SPTBN1: variants seen among roughly 807,000 people sequenced by gnomAD.
SPTBN1 encodes the protein spectrin beta, non-erythrocytic 1.
A neutral mutation model predicts 266.4 loss-of-function variants in SPTBN1; 32 were observed. That is an observed-to-expected ratio of 0.12 (90% confidence interval 0.09 to 0.16). SPTBN1 has a LOEUF of 0.16. SPTBN1 is among the 10% of genes least tolerant of loss of function. The pLI is 1.00. For synonymous variants in SPTBN1, 1,336 were observed against 1,162.2 expected (o/e 1.15, Z -3.04); for missense variants, 2,296 against 3,067.1 (o/e 0.75, Z 5.94).
intron 1 of SPTBN1, among the ~76,000 whole-genome samples, chr2:54,508,726 G>T (rs1351037642): frequency 2.0e-5 from 3 of 152,178 alleles, no homozygotes; most frequent in African/African-American, 7.2e-5. Flanking sequence ...ACTGCCCTGA[G>T]GGATAGAAGT....
chr2:54,560,286 C>T (rs1260883318), intron 2 of SPTBN1, among the ~76,000 whole-genome samples: 1 of 152,034 alleles, frequency 6.6e-6, no homozygotes, highest in Admixed American at 6.5e-5. Flanking sequence ...CCCGGACTCC[C>T]AGCTTCATTG....
intron 2 of SPTBN1, among the ~76,000 whole-genome samples, chr2:54,565,592 G>A (rs75176729): frequency 0.046 from 6,942 of 152,250 alleles, 192 homozygotes; most frequent in Middle Eastern, 0.11. Context: ...AAGGCATCAA[G>A]GTTAGTTTCA....
rs2104103893 is a variant in SPTBN1 at position 54,649,826 on chromosome 2, A to G, written c.5414A>G (p.Tyr1805Cys). The G allele has an allele frequency of 1.9e-6, 3 of 1,614,192 alleles. No individual in the cohort carries two copies. The highest frequency in any genetic ancestry group is 2.5e-6 in the Non-Finnish European group (3 of 1,180,026). The part of the protein sequence containing the change: ...DTRTQILAAS[Y>C]ELHKFYHDAK... ...AGAACACAGATTCTTGCCGCTTCCT[A>G]TGAACTGCACAAGTTTTACCACGAT... The change falls in exon 26 of 36, where the codon TAT (tyrosine) becomes TGT (cysteine). Residue 1805 changes from tyrosine (Y) to cysteine (C), a missense_variant. Physicochemically the swap from Tyr to Cys is radical, Grantham distance 194. This residue lies in a region of SPTBN1 where 644 missense variants were observed against 745.3 expected (regional missense o/e 0.86). Transcript: ENST00000356805. The surrounding 1 kb of genome is among the most constrained non-coding windows in gnomAD (Gnocchi z 6.7).
Position 54,643,033 on chromosome 2 carries a change from C to T in SPTBN1, c.3909C>T (p.Tyr1303=), listed in dbSNP as rs748501800. 15 of 1,613,872 alleles carry T rather than the reference C, an allele frequency of 9.3e-6. No homozygotes were observed. Among genetic ancestry groups the T allele is most frequent in the South Asian group, 2.2e-5 (2 of 91,070 alleles). ...TGCTCACAGCCCAGGACATGTCTTA[C>T]GATGAAGCCAGAAATCTGCACAGTA... is the stretch of plus-strand genomic sequence containing the variant. ...EKMLTAQDMS[Y]DEARNLHSKW... is the part of the protein sequence containing the mutation. The change falls in exon 19 of 36, where the codon TAC becomes TAT. Residue 1303 remains tyrosine (Y), a synonymous_variant. Coordinates refer to ENST00000356805, the MANE Select transcript of SPTBN1 (RefSeq NM_003128.3).
Position 54,657,875 on chromosome 2 carries a change from A to G in SPTBN1, c.6072A>G (p.Arg2024=). 6.2e-7 allele frequency: 1 copy of G among 1,614,238 alleles called. No homozygotes were observed. The highest frequency in any genetic ancestry group is 8.5e-7 in the Non-Finnish European group (1 of 1,180,044). ...TTCTGGAGGTCCATCAGTTCTCAAGAGACGCCAGTGTGGCCGAGGCCTGGC... is the reference window on the plus strand; with the variant it reads ...TTCTGGAGGTCCATCAGTTCTCAAGGGACGCCAGTGTGGCCGAGGCCTGGC... ...RLILEVHQFS[R]DASVAEAWLL... Residue 2024 remains arginine (R), a synonymous_variant, in exon 30 of 36, where the codon AGA becomes AGG. Transcript: ENST00000356805.
At chr2:54,618,308 T>A in intron 7 of SPTBN1, 115 bp downstream of exon 7, 2 of 906,566 alleles carry the variant, frequency 2.2e-6, no homozygotes, top group Non-Finnish European at 3.3e-6. Flanking sequence ...AGGAAGAGCT[T>A]AATTTTGGTT....
rs901999563 is a variant in SPTBN1 at position 54,658,110 on chromosome 2, C to G, written c.6243+64C>G. On this transcript the variant is annotated intron_variant, in intron 30 of 35. Transcript: ENST00000356805. The stretch of plus-strand genomic sequence containing the variant: ...GGCAGCCTTTTCTTCCTGCTTGCCT[C>G]TTAGACCAGGGAATTCACACGATTG... The G allele has an allele frequency of 1.9e-6, 3 of 1,587,224 alleles. No homozygotes were observed. In the African/African-American group the frequency reaches 4.1e-5, roughly 21 times the overall value.
intron 8 of SPTBN1, 76 bp from the exon 9 acceptor site, chr2:54,622,224 A>ACT: frequency 6.7e-7 from 1 of 1,481,920 alleles, no homozygotes; most frequent in Non-Finnish European, 9.2e-7. Flanking sequence ...GTGTGCATGC[A>ACT]CTCGTATAGG....
At chr2:54,493,771 T>C (rs146072121) in intron 1 of SPTBN1, among the ~76,000 whole-genome samples, 18 of 152,360 alleles carry the variant, frequency 1.2e-4, no homozygotes, top group Non-Finnish European at 1.8e-4. Flanking sequence ...CCAACATAGA[T>C]ATTTGCAGGT....
chr2:54,598,953 A>T, intron 2 of SPTBN1, 139 bp from the exon 3 acceptor site: 3 of 813,822 alleles, frequency 3.7e-6, no homozygotes, highest in Non-Finnish European at 5.8e-6. Context: ...GACCGCAGTT[A>T]AGGGGCGCTA....
At position 54,646,998 on chromosome 2, in the gene SPTBN1, T is replaced by G. The variant is rs1257340666; in HGVS notation, c.4867-133T>G. ...CTTGGAACACTTCTGTGTTCCACTG[T>G]CCGTACTGCACCTCTGGAGTTTTTC... is the stretch of plus-strand genomic sequence containing the variant. On this transcript the variant is annotated intron_variant, in intron 23 of 35. Coordinates refer to ENST00000356805, the MANE Select transcript of SPTBN1 (RefSeq NM_003128.3). This position sits in a 1 kb window ranked among gnomAD's most constrained non-coding sequence, Gnocchi z 4.4. 7.6e-7 allele frequency: 1 copy of G among 1,309,658 alleles called. No homozygotes were observed. Among genetic ancestry groups the G allele is most frequent in the African/African-American group, 1.5e-5 (1 of 68,314 alleles). 81.1% of individuals were successfully genotyped at this position (1,309,658 alleles called of 1,614,324 possible).
Position 54,559,013 on chromosome 2 carries a change from G to T in SPTBN1, c.148+32447G>T, listed in dbSNP as rs559042252. 99 of 1,113,508 alleles carry T rather than the reference G, an allele frequency of 8.9e-5. 1 individual carries two copies. In the South Asian group the frequency reaches 1.6e-3, roughly 18 times the overall value. The allele number at this position is 1,113,508 out of a possible 1,614,324, so 69.0% of individuals were successfully genotyped here. On this transcript the variant is annotated intron_variant, in intron 2 of 35. Transcript: ENST00000356805. ...GCCCCAGACCCTGTGGTTGGCTGCG[G>T]GCACCCCATTCACGACTTAGGGAAG...
Position 54,629,288 on chromosome 2 carries a change from G to C in SPTBN1, c.2154G>C (p.Arg718Ser). 6.2e-7 allele frequency: 1 copy of C among 1,614,070 alleles called. No homozygotes were observed. ...EHFGSEKIRE[R>S]IIYIREQWAN... ...TCGGGTCGGAGAAGATCCGTGAGAG[G>C]ATCATTTACATCCGGGAGCAGTGGG... The change falls in exon 14 of 36, where the codon AGG (arginine) becomes AGC (serine). Residue 718 changes from arginine to serine, a missense_variant. Transcript: ENST00000356805.
rs1347832356 is a variant in SPTBN1, at chr2:54,653,956, C to T, written c.5822+103C>T. 5.3e-6 allele frequency: 8 copies of T among 1,508,526 alleles called. No homozygotes were observed. The East Asian group carries it at 9.4e-5, about 18-fold the overall frequency. 93.4% of individuals were successfully genotyped at this position (1,508,526 alleles called of 1,614,324 possible). On this transcript the variant is annotated intron_variant, in intron 27 of 35. Coordinates refer to ENST00000356805, the MANE Select transcript of SPTBN1 (RefSeq NM_003128.3). The surrounding 1 kb of genome is among the most constrained non-coding windows in gnomAD (Gnocchi z 5.1). ...AGCCTTGAAAGCGTTCCTGCCTGAG[C>T]GCTTCAAGGCCAGAGTGGGGGTGGG...
At chr2:54,541,716 A>G (rs538721283) in intron 2 of SPTBN1, among the ~76,000 whole-genome samples, 2 of 152,378 alleles carry the variant, frequency 1.3e-5, no homozygotes, top group South Asian at 4.1e-4. Flanking sequence ...GATGTAACCT[A>G]TAACTGACTT....
At chr2:54,602,725 G>A (rs1297993964) in intron 3 of SPTBN1, among the ~76,000 whole-genome samples, 2 of 152,142 alleles carry the variant, frequency 1.3e-5, no homozygotes, top group Non-Finnish European at 2.9e-5. Context: ...GAGTGTGTGT[G>A]TGCGTGCATG....
chr2:54,471,659 G>A (rs1329132022), intron 1 of SPTBN1, among the ~76,000 whole-genome samples: 1 of 152,138 alleles, frequency 6.6e-6, no homozygotes, highest in East Asian at 1.9e-4. Context: ...TTGGGAGCAA[G>A]CTGTGTGACA....
Position 54,630,930 on chromosome 2 carries a change from C to T in SPTBN1, c.2883C>T (p.His961=), listed in dbSNP as rs780136922. The T allele has an allele frequency of 9.3e-6, 15 of 1,613,880 alleles. No individual in the cohort carries two copies. Among genetic ancestry groups the T allele is most frequent in the Non-Finnish European group, 1.3e-5 (15 of 1,179,972 alleles). ...LLSALSIQNY[H]LECNETKSWI... is the part of the protein sequence containing the mutation. ...CTGCCCTGAGCATCCAGAACTACCA[C>T]CTCGAGTGCAATGAAACCAAATCCT... The change falls in exon 16 of 36, where the codon CAC becomes CAT. Residue 961 remains histidine (H), a synonymous_variant. Coordinates refer to ENST00000356805, the MANE Select transcript of SPTBN1 (RefSeq NM_003128.3).
chr2:54,625,899 T>C (rs1332287047), intron 11 of SPTBN1, 33 bp from the exon 12 acceptor site: 5 of 1,602,390 alleles, frequency 3.1e-6, no homozygotes, highest in Non-Finnish European at 3.4e-6. Flanking sequence ...GTGGATTTTT[T>C]ATTTTCCTTC....
Sources: allele counts gnomAD v4.1 joint callset (sites outside exome capture counted in the v4.1 genomes callset), GRCh38; gene constraint gnomAD v4.1.1; regional missense constraint gnomAD v4.1.1; non-coding constraint Gnocchi (gnomAD v3.1); transcripts MANE v1.5; gene names NCBI Gene and HGNC (gene_info 2026-07-23, HGNC 2026-07-21).